LPP: variants seen among roughly 807,000 people sequenced by gnomAD.
LPP encodes lipoma-preferred partner.
LPP carries 38 observed loss-of-function variants against 60.4 expected under a neutral mutation model. The ratio of observed to expected loss-of-function variants is 0.63; its 90% CI spans 0.49 to 0.83. The LOEUF (loss-of-function observed/expected upper bound fraction) is 0.83, where lower values mean the gene tolerates loss of function less well. Ranked by LOEUF, LPP falls within the 40% of genes least tolerant of loss-of-function variation. The pLI is 0.00. For missense variants in LPP, 902 were observed against 783.6 expected (o/e 1.15, Z -1.80); for synonymous variants, 328 against 290.8 (o/e 1.13, Z -1.30).
At chr3:188,838,671 C>T (rs1759113167) in intron 9 of LPP, among the ~76,000 whole-genome samples, 1 of 152,050 alleles carries the variant, frequency 6.6e-6, no homozygotes, top group South Asian at 2.1e-4. Flanking sequence ...GAATACTATG[C>T]AGCCATAAAA....
At chr3:188,264,830 T>G (rs548783706) in intron 2 of LPP, among the ~76,000 whole-genome samples, 1 of 152,316 alleles carries the variant, frequency 6.6e-6, no homozygotes, top group African/African-American at 2.4e-5. Context: ...CTTTTTTTTC[T>G]TTTTATAACA....
intron 7 of LPP, among the ~76,000 whole-genome samples, chr3:188,663,274 A>G (rs560870646): frequency 1.2e-4 from 19 of 152,184 alleles, no homozygotes; most frequent in Non-Finnish European, 2.5e-4. Context: ...TCTGGCATTT[A>G]CAGCTTTGTA....
chr3:188,228,642 A>G (rs1041587844), intron 2 of LPP, among the ~76,000 whole-genome samples: 4 of 152,158 alleles, frequency 2.6e-5, no homozygotes, highest in Non-Finnish European at 5.9e-5. Flanking sequence ...CAAAATCCCA[A>G]ATGACTGGAC....
intron 2 of LPP, among the ~76,000 whole-genome samples, chr3:188,271,661 A>T (rs1737772760): frequency 6.6e-6 from 1 of 152,354 alleles, no homozygotes; most frequent in Non-Finnish European, 1.5e-5. Context: ...TATTTTCAAC[A>T]GACTAAAATT....
chr3:188,325,011 G>A (rs1053317950), intron 2 of LPP, among the ~76,000 whole-genome samples: 1 of 151,166 alleles, frequency 6.6e-6, no homozygotes, highest in African/African-American at 2.4e-5. Flanking sequence ...ATGGAGTCTC[G>A]CTCTTGTCTC....
chr3:188,423,348 T>C (rs1788387413), intron 4 of LPP, among the ~76,000 whole-genome samples: 2 of 152,226 alleles, frequency 1.3e-5, no homozygotes, highest in Admixed American at 1.3e-4. Context: ...TCTATCATTG[T>C]TGGGCATTTG....
intron 3 of LPP, among the ~76,000 whole-genome samples, chr3:188,398,607 G>A (rs1033733043): frequency 6.6e-6 from 1 of 152,120 alleles, no homozygotes; most frequent in African/African-American, 2.4e-5. Flanking sequence ...TTGCCCTTCC[G>A]GCTCTATGTG....
chr3:188,334,414 A>ATT (rs1761029283), intron 2 of LPP, among the ~76,000 whole-genome samples: 1 of 110,232 alleles, frequency 9.1e-6, no homozygotes, highest in Non-Finnish European at 1.9e-5. Flanking sequence ...ATCTTACGAT[A>ATT]TTTCTTTCTT....
Position 188,609,233 on chromosome 3 carries a change from A to C in LPP, c.502A>C (p.Asn168His), listed in dbSNP as rs1252730439. ...AGGACACAAGAGAATGGTCATCCCG[A>C]ACCAACCCCCTCTAACAGCAACCAA... ...VTGHKRMVIP[N>H]QPPLTATKKS... is the part of the protein sequence containing the mutation. Residue 168 changes from asparagine (N) to histidine (H), a missense_variant, in exon 7 of 12, where the codon AAC becomes CAC. By Grantham distance (68) the Asn-to-His change is moderately conservative. Transcript: ENST00000617246. This position sits in a 1 kb window ranked among gnomAD's most constrained non-coding sequence, Gnocchi z 6.9. The C allele has an allele frequency of 6.2e-7, 1 of 1,613,828 alleles. No individual in the cohort carries two copies. The highest frequency in any genetic ancestry group is 8.5e-7 in the Non-Finnish European group (1 of 1,179,960).
intron 4 of LPP, among the ~76,000 whole-genome samples, chr3:188,461,098 C>T (rs1424501731): frequency 6.6e-6 from 1 of 152,116 alleles, no homozygotes; most frequent in Admixed American, 6.5e-5. Context: ...GGCAAATTTT[C>T]ATTCAGTACA....
At chr3:188,631,251 T>C (rs566065999) in intron 7 of LPP, among the ~76,000 whole-genome samples, 111 of 152,316 alleles carry the variant, frequency 7.3e-4, no homozygotes, top group African/African-American at 2.6e-3. Flanking sequence ...GTGATAAACA[T>C]TTTTTATTAT....
chr3:188,753,573 T>TTGTGCGTGTG (rs1553829816), intron 8 of LPP, among the ~76,000 whole-genome samples: 18 of 118,314 alleles, frequency 1.5e-4, no homozygotes, highest in South Asian at 5.4e-4. Context: ...TTTTGGCTTG[T>TTGTGCGTGTG]TGTGTGCGTG....
At chr3:188,670,996 G>A (rs528898493) in intron 7 of LPP, among the ~76,000 whole-genome samples, 125 of 152,214 alleles carry the variant, frequency 8.2e-4, no homozygotes, top group African/African-American at 2.8e-3. Flanking sequence ...AGTTTCCCCC[G>A]CGTTTTCTAC....
intron 9 of LPP, among the ~76,000 whole-genome samples, chr3:188,808,504 A>G (rs1749867264): frequency 6.6e-6 from 1 of 152,064 alleles, no homozygotes; most frequent in South Asian, 2.1e-4. Context: ...CCTAAGAGCC[A>G]CAAGACTCAC....
At chr3:188,783,038 T>C (rs898003843) in intron 9 of LPP, among the ~76,000 whole-genome samples, 3 of 152,250 alleles carry the variant, frequency 2.0e-5, no homozygotes, top group African/African-American at 7.2e-5. Flanking sequence ...CAGTTGCCAA[T>C]TGGTCTCCAT....
chr3:188,388,603 G>A (rs982713721), intron 3 of LPP, among the ~76,000 whole-genome samples: 7 of 152,132 alleles, frequency 4.6e-5, no homozygotes, highest in African/African-American at 1.7e-4. Context: ...ATTCCGAAAA[G>A]GAAGGATTAT....
At chr3:188,774,534 T>C (rs1488126800) in intron 9 of LPP, among the ~76,000 whole-genome samples, 1 of 152,138 alleles carries the variant, frequency 6.6e-6, no homozygotes, top group Non-Finnish European at 1.5e-5. Flanking sequence ...CCTCTCACTT[T>C]GGGGAGTATT....
Position 188,828,626 on chromosome 3 carries a change from A to AAAAAAAAAAC in LPP, c.1411-37565_1411-37564insCAAAAAAAAA, listed in dbSNP as rs1484826737. Reference sequence around the variant, plus strand: ...CGAAACTCTGTCTCAAAAAAAAAAAAAAAAAAAAAAAAAACTCAGCTGCAT... The same window carrying AAAAAAAAAAC: ...CGAAACTCTGTCTCAAAAAAAAAAAAAAAAAAAAACAAAAAAAAAAAAAACTCAGCTGCAT... On this transcript the variant is annotated intron_variant, in intron 9 of 11. Coordinates refer to ENST00000617246, the MANE Select transcript of LPP (RefSeq NM_001375462.1). Among the ~76,000 whole-genome samples, 4 of 146,970 alleles carry AAAAAAAAAAC rather than the reference A, an allele frequency of 2.7e-5. No homozygotes were observed. The East Asian group carries it at 8.0e-4, about 29-fold the overall frequency.
At chr3:188,157,198 A>G (rs1716765565) in intron 1 of LPP, among the ~76,000 whole-genome samples, 1 of 152,152 alleles carries the variant, frequency 6.6e-6, no homozygotes, top group Admixed American at 6.5e-5. Context: ...ACACTTTCCA[A>G]TCAGATACTC....
Sources: gnomAD v4.1 joint callset for allele counts (sites outside exome capture counted in the v4.1 genomes callset) on GRCh38, gnomAD v4.1.1 for gene constraint, Gnocchi (gnomAD v3.1) non-coding constraint, MANE v1.5 for transcripts, NCBI Gene and HGNC (gene_info 2026-07-23, HGNC 2026-07-21) for gene names.